SLC44A5: variants seen among roughly 807,000 people sequenced by gnomAD.
SLC44A5 encodes the protein solute carrier family 44 member 5.
Under a neutral mutation model 101.8 loss-of-function variants are expected in SLC44A5, and 57 were observed. That is an observed-to-expected ratio of 0.56 (90% CI 0.45 to 0.70). The LOEUF (loss-of-function observed/expected upper bound fraction) is 0.70. SLC44A5 is among the 30% of genes least tolerant of loss of function. SLC44A5 has a pLI of 0.00. For synonymous variants in SLC44A5, 281 were observed against 290.9 expected (o/e 0.97, Z 0.35); for missense variants, 737 against 853.1 (o/e 0.86, Z 1.70).
intron 2 of SLC44A5, among the ~76,000 whole-genome samples, chr1:75,494,110 A>C (rs1668553989): frequency 1.3e-5 from 2 of 152,192 alleles, no homozygotes; most frequent in African/African-American, 2.4e-5. Flanking sequence ...CAATGCCATT[A>C]TCAAAGGGTG....
chr1:75,298,210 T>C (rs1026203915), intron 5 of SLC44A5, among the ~76,000 whole-genome samples: 1 of 152,184 alleles, frequency 6.6e-6, no homozygotes, highest in Non-Finnish European at 1.5e-5. Context: ...ATGCTTCTTT[T>C]AGTCCAACAT....
the SLC44A5 span, among the ~76,000 whole-genome samples, chr1:75,704,092 T>A: frequency 6.6e-6 from 1 of 152,216 alleles, no homozygotes; most frequent in East Asian, 1.9e-4. Context: ...AATGAATCAA[T>A]GTGTTACACC....
At chr1:75,219,397 G>C in intron 15 of SLC44A5, 53 bp from the exon 16 acceptor site, 1 of 1,235,864 alleles carries the variant, frequency 8.1e-7, no homozygotes, top group Non-Finnish European at 1.2e-6. Context: ...GAAAATAAAT[G>C]GACAAGAAAA....
At chr1:75,354,901 A>T (rs1421432924) in intron 3 of SLC44A5, among the ~76,000 whole-genome samples, 1 of 152,192 alleles carries the variant, frequency 6.6e-6, no homozygotes, top group Non-Finnish European at 1.5e-5. Flanking sequence ...ATTCTGACAC[A>T]TGGGATTCTG....
At chr1:75,256,603 C>T (rs1650041174) in intron 6 of SLC44A5, among the ~76,000 whole-genome samples, 2 of 152,052 alleles carry the variant, frequency 1.3e-5, no homozygotes, top group South Asian at 4.2e-4. Context: ...ATACATCATG[C>T]AAGATTCTGT....
At chr1:75,331,413 C>G (rs888084043) in intron 4 of SLC44A5, among the ~76,000 whole-genome samples, 3 of 152,062 alleles carry the variant, frequency 2.0e-5, no homozygotes, top group African/African-American at 7.2e-5. Context: ...TTTTCACATC[C>G]AATCCCATCA....
At chr1:75,219,508 G>T (rs1334038134) in intron 15 of SLC44A5, among the ~76,000 whole-genome samples, 164 bp from the exon 16 acceptor site, 7 of 152,038 alleles carry the variant, frequency 4.6e-5, no homozygotes, top group Non-Finnish European at 1.0e-4. Context: ...ATGTAATGTG[G>T]GCCAGCTGCA....
rs547135258 is a variant in SLC44A5, at chr1:75,277,654, T to G, written c.176-2612A>C. Reference sequence around the variant, plus strand: ...AGGCAATTTTGGAGCTTTTGCCATTTGGAGAGAAAAGCTTCTACTTGTGGC... The same window carrying G: ...AGGCAATTTTGGAGCTTTTGCCATTGGGAGAGAAAAGCTTCTACTTGTGGC... On this transcript the variant is annotated intron_variant, in intron 5 of 23. Coordinates refer to ENST00000370859, the MANE Select transcript of SLC44A5 (RefSeq NM_001130058.2). 4.6e-5 allele frequency among the ~76,000 whole-genome samples: 7 copies of G among 150,596 alleles called. No homozygotes were observed. In the East Asian group the frequency reaches 1.4e-3, roughly 30 times the overall value.
chr1:75,546,772 A>G (rs1223440420), intron 1 of SLC44A5, among the ~76,000 whole-genome samples: 1 of 152,160 alleles, frequency 6.6e-6, no homozygotes, highest in African/African-American at 2.4e-5. Flanking sequence ...CTACCTAGGA[A>G]TCTGGTGATT....
At chr1:75,240,810 AAAAG>A (rs1648558518) in intron 9 of SLC44A5, among the ~76,000 whole-genome samples, 1 of 152,076 alleles carries the variant, frequency 6.6e-6, no homozygotes, top group African/African-American at 2.4e-5. Flanking sequence ...ATAAATAGAA[AAAAG>A]AAAGAAGAGT....
chr1:75,710,759 T>C, the SLC44A5 span, among the ~76,000 whole-genome samples: 2 of 152,040 alleles, frequency 1.3e-5, no homozygotes, highest in Admixed American at 1.3e-4. Context: ...CAGGCTATTT[T>C]AAGAGGTTTT....
intron 1 of SLC44A5, among the ~76,000 whole-genome samples, chr1:75,589,992 G>A (rs1674254548): frequency 6.6e-6 from 1 of 152,068 alleles, no homozygotes; most frequent in South Asian, 2.1e-4. Context: ...TAGGCCATAA[G>A]GAGTGCAACT....
At chr1:75,721,818 A>G in the SLC44A5 span, among the ~76,000 whole-genome samples, 2 of 152,250 alleles carry the variant, frequency 1.3e-5, no homozygotes, top group Admixed American at 6.5e-5. Flanking sequence ...AAAGCTTTAG[A>G]TTAAAAGAAG....
At chr1:75,657,382 C>T in the SLC44A5 span, among the ~76,000 whole-genome samples, 77,096 of 151,520 alleles carry the variant, frequency 0.51, 20,837 homozygotes, top group Middle Eastern at 0.64. Context: ...AACTGCGTCA[C>T]TACAAAAAAT....
intron 2 of SLC44A5, among the ~76,000 whole-genome samples, chr1:75,467,150 A>C (rs767006123): frequency 1.9e-4 from 29 of 152,146 alleles, no homozygotes; most frequent in Non-Finnish European, 3.7e-4. Context: ...TATAATGAAA[A>C]CTATGAAACA....
intron 1 of SLC44A5, among the ~76,000 whole-genome samples, chr1:75,610,027 G>C (rs1469096539): frequency 1.3e-5 from 2 of 151,876 alleles, no homozygotes. Flanking sequence ...TGCAGGGTCT[G>C]TTCCCAAGAT....
At chr1:75,428,827 T>C (rs1378152837) in intron 2 of SLC44A5, among the ~76,000 whole-genome samples, 2 of 152,132 alleles carry the variant, frequency 1.3e-5, no homozygotes, top group Admixed American at 6.5e-5. Flanking sequence ...CCATGTTAAA[T>C]ATAACAAAAT....
intron 22 of SLC44A5, among the ~76,000 whole-genome samples, chr1:75,211,883 T>C (rs1282057648): frequency 6.7e-6 from 1 of 148,796 alleles, no homozygotes; most frequent in East Asian, 2.1e-4. Flanking sequence ...CCTCCCTTCC[T>C]TCCTTCCTTT....
At chr1:75,572,344 G>C (rs1405765865) in intron 1 of SLC44A5, among the ~76,000 whole-genome samples, 1 of 152,124 alleles carries the variant, frequency 6.6e-6, no homozygotes. Context: ...TATGAAAAGG[G>C]TAAGGATATG....
Sources: allele counts gnomAD v4.1 joint callset (sites outside exome capture counted in the v4.1 genomes callset), GRCh38; gene constraint gnomAD v4.1.1; transcripts MANE v1.5; gene names NCBI Gene and HGNC (gene_info 2026-07-23, HGNC 2026-07-21).